OPRM1: variants seen among roughly 807,000 people sequenced by gnomAD.
OPRM1 encodes opioid receptor mu 1.
In OPRM1, 27 loss-of-function variants were observed where a neutral mutation model predicts 31.8. That is an observed-to-expected ratio of 0.85 (90% confidence interval 0.63 to 1.17). OPRM1 has a LOEUF of 1.17. Ranked by LOEUF, OPRM1 falls within the 50% of genes most tolerant of loss-of-function variation. The pLI, the probability that OPRM1 is intolerant of heterozygous loss-of-function variation, is 0.00. For synonymous variants in OPRM1, 196 were observed against 189.9 expected, an observed-to-expected ratio of 1.03 and a Z score of -0.26; for missense variants, 536 against 511.1, an observed-to-expected ratio of 1.05 and a Z score of -0.47.
intron 3 of OPRM1, chr6:154,158,327 G>A (rs1268016094): frequency 6.6e-6 from 1 of 152,136 alleles, no homozygotes; most frequent in Non-Finnish European, 1.5e-5. Flanking sequence ...AAATATTCAT[G>A]GTGATTAGTA....
chr6:154,152,533 C>CATCA (rs1798567279), intron 3 of OPRM1, among the ~76,000 whole-genome samples: 1 of 151,222 alleles, frequency 6.6e-6, no homozygotes, highest in South Asian at 2.1e-4. Context: ...AGGTCAAATC[C>CATCA]ATCAGTCTGA....
chr6:154,054,367 CA>C (rs1194794442), intron 1 of OPRM1, among the ~76,000 whole-genome samples: 1,361 of 53,008 alleles, frequency 0.026, 6 homozygotes, highest in Non-Finnish European at 0.033. Context: ...GACTCCGTCT[CA>C]AAAAAAAAAA....
intron 1 of OPRM1, among the ~76,000 whole-genome samples, chr6:154,043,480 T>A (rs989599751): frequency 3.3e-5 from 5 of 151,904 alleles, no homozygotes; most frequent in Admixed American, 3.3e-4. Context: ...TTCAGGTAGC[T>A]ACAAATTAGT....
chr6:154,060,500 A>G (rs769876005), intron 1 of OPRM1, among the ~76,000 whole-genome samples: 5 of 152,218 alleles, frequency 3.3e-5, no homozygotes, highest in Non-Finnish European at 7.3e-5. Context: ...AATTCTTCCC[A>G]TAGACTACTC....
chr6:154,014,625 T>C (rs574061399), intron 1 of OPRM1, among the ~76,000 whole-genome samples: 1 of 152,200 alleles, frequency 6.6e-6, no homozygotes, highest in East Asian at 1.9e-4. Flanking sequence ...CCATAAGCTA[T>C]GTCCTTGAAT....
rs557167460 is a variant in OPRM1, at chr6:154,021,847, C to CT, written c.-1+10837dup. ...CTTATTAGCTCCAGGAGGGTTTTCT[C>CT]TTTTTTTTGGTCAACTCTTTCAGAT... On this transcript the variant is annotated intron_variant, in intron 1 of 5. Transcript: ENST00000434900. Among the ~76,000 whole-genome samples the CT allele has an allele frequency of 6.3e-4, 96 of 151,566 alleles. 1 individual carries two copies. The highest frequency in any genetic ancestry group is 2.3e-3 in the South Asian group (11 of 4,806).
chr6:154,132,928 T>C (rs1797962256), downstream of OPRM1, among the ~76,000 whole-genome samples: 1 of 152,124 alleles, frequency 6.6e-6, no homozygotes, highest in Non-Finnish European at 1.5e-5. Context: ...GAGACCATCC[T>C]GGCTAACACG....
intron 1 of OPRM1, among the ~76,000 whole-genome samples, chr6:154,028,527 TG>T (rs371557059): frequency 5.3e-5 from 8 of 152,192 alleles, no homozygotes; most frequent in African/African-American, 1.7e-4. Flanking sequence ...CACTAGGACT[TG>T]CCTAAAAGTT....
chr6:154,017,542 CT>C, intron 1 of OPRM1, among the ~76,000 whole-genome samples: 1 of 152,238 alleles, frequency 6.6e-6, no homozygotes, highest in Middle Eastern at 3.4e-3. Flanking sequence ...GATACAGAGA[CT>C]TAGGACAGAA....
chr6:154,199,877 T>A (rs758939788), intron 3 of OPRM1: 1 of 1,614,084 alleles, frequency 6.2e-7, no homozygotes, highest in Non-Finnish European at 8.5e-7. Flanking sequence ...TTGTCCCTCA[T>A]CTTCAGCAGC....
chr6:154,172,612 T>G (rs1035194589), intron 3 of OPRM1, among the ~76,000 whole-genome samples: 1 of 152,146 alleles, frequency 6.6e-6, no homozygotes, highest in Non-Finnish European at 1.5e-5. Flanking sequence ...TGCTGAGGCT[T>G]GAGTAGGTGG....
At chr6:154,096,479 A>G (rs747152094) in intron 3 of OPRM1, among the ~76,000 whole-genome samples, 1 of 152,156 alleles carries the variant, frequency 6.6e-6, no homozygotes, top group Non-Finnish European at 1.5e-5. Context: ...AGTTTGGTGC[A>G]AAAGTAATTG....
At chr6:154,154,226 G>A (rs1181898773) in intron 3 of OPRM1, among the ~76,000 whole-genome samples, 1 of 152,082 alleles carries the variant, frequency 6.6e-6, no homozygotes, top group East Asian at 1.9e-4. Context: ...AATTTATTAG[G>A]CTATTTCATT....
chr6:154,120,419 T>C lies in OPRM1; in HGVS notation c.*1698T>C, dbSNP rs555926364. On this transcript the variant is annotated 3_prime_UTR_variant, in exon 4 of 4. Coordinates refer to ENST00000330432, the MANE Select transcript of OPRM1 (RefSeq NM_000914.5). ...TAAGTTTTTTAGTGTTTCCTTCTGA[T>C]GAAGTTTCATGTTTGCTTGTAATAA... Among the ~76,000 whole-genome samples the C allele has an allele frequency of 6.6e-6, 1 of 152,190 alleles. No individual in the cohort carries two copies. The highest frequency in any genetic ancestry group is 1.5e-5 in the Non-Finnish European group (1 of 68,024).
intron 3 of OPRM1, among the ~76,000 whole-genome samples, chr6:154,225,516 T>C (rs927201428): frequency 6.6e-6 from 1 of 152,216 alleles, no homozygotes; most frequent in Non-Finnish European, 1.5e-5. Flanking sequence ...TATGATTCAA[T>C]TTATATGAAA....
intron 1 of OPRM1, among the ~76,000 whole-genome samples, chr6:154,041,940 G>T (rs1780150568): frequency 6.6e-6 from 1 of 152,214 alleles, no homozygotes; most frequent in Non-Finnish European, 1.5e-5. Flanking sequence ...GAAATGAGCA[G>T]ATTGGTCTTA....
chr6:154,140,519 AG>A (rs2128537767), intron 3 of OPRM1, among the ~76,000 whole-genome samples: 1 of 152,112 alleles, frequency 6.6e-6, no homozygotes, highest in East Asian at 1.9e-4. Flanking sequence ...TAGTTGAGAC[AG>A]GGTTTCGCCA....
chr6:154,134,269 G>C (rs926714499), downstream of OPRM1, among the ~76,000 whole-genome samples: 47 of 152,306 alleles, frequency 3.1e-4, no homozygotes, highest in Admixed American at 7.2e-4. Flanking sequence ...CCAAAGCAGA[G>C]GAGAAGTTGT....
rs1033487402 is a variant in OPRM1 at position 154,124,359 on chromosome 6, T to C, written c.*5638T>C. 6.6e-6 allele frequency among the ~76,000 whole-genome samples: 1 copy of C among 152,226 alleles called. No individual in the cohort carries two copies. The highest frequency in any genetic ancestry group is 2.4e-5 in the African/African-American group (1 of 41,464). ...TCATGCATTTTATACAAATTTAATA[T>C]ACTTTTTCAACTCACTTTGCATTTC... On this transcript the variant is annotated 3_prime_UTR_variant, in exon 4 of 4. Coordinates refer to ENST00000330432, the MANE Select transcript of OPRM1 (RefSeq NM_000914.5).
Sources: gnomAD v4.1 joint callset for allele counts (sites outside exome capture counted in the v4.1 genomes callset) on GRCh38, gnomAD v4.1.1 for gene constraint, MANE v1.5 for transcripts, NCBI Gene and HGNC (gene_info 2026-07-23, HGNC 2026-07-21) for gene names.